CST4: variants seen among roughly 807,000 people sequenced by gnomAD.
CST4 encodes the protein cystatin-S.
In CST4, 17 loss-of-function variants were observed where a neutral mutation model predicts 11.2. That is an observed-to-expected ratio of 1.52 (90% confidence interval 1.04 to 2.27). The LOEUF (loss-of-function observed/expected upper bound fraction) is 2.27. Among genes scored for constraint, CST4 ranks in the 30% most tolerant of loss-of-function variants. CST4 has a pLI of 0.00. For synonymous variants in CST4, 93 were observed against 70.1 expected, an observed-to-expected ratio of 1.33 and a Z score of -1.63; for missense variants, 251 against 180.2, an observed-to-expected ratio of 1.39 and a Z score of -2.25.
At chr20:23,687,651 G>T (rs368100177) in intron 1 of CST4, among the ~76,000 whole-genome samples, 1 of 152,204 alleles carries the variant, frequency 6.6e-6, no homozygotes, top group Non-Finnish European at 1.5e-5. Context: ...TTCAAGATAC[G>T]TTTCTCAAGT....
At chr20:23,686,541 T>C (rs536417226) in intron 2 of CST4, among the ~76,000 whole-genome samples, 14 of 152,198 alleles carry the variant, frequency 9.2e-5, no homozygotes, top group Admixed American at 2.0e-4. Context: ...ACTAATCTGA[T>C]TGTGGCTTTG....
chr20:23,688,720 C>T, intron 1 of CST4, 22 bp downstream of exon 1: 1 of 1,613,036 alleles, frequency 6.2e-7, no homozygotes, highest in Non-Finnish European at 8.5e-7. Flanking sequence ...CTCAGGACCC[C>T]TCGGGTGGAG....
At chr20:23,686,201 C>T (rs1307933091) in intron 2 of CST4, among the ~76,000 whole-genome samples, 1 of 152,162 alleles carries the variant, frequency 6.6e-6, no homozygotes, top group Non-Finnish European at 1.5e-5. Flanking sequence ...CCCACCCCAG[C>T]CTGCAGTGTC....
chr20:23,687,142 C>G lies in CST4; in HGVS notation c.288G>C (p.Lys96Asn). ...CACAGGTGTCCAAGTTGGGCTGGGA[C>G]TTGGTACATATGGTGCGGCCCACCT... ...DVEVGRTICT[K>N]SQPNLDTCAF... The change falls in exon 2 of 3, where the codon AAG (lysine) becomes AAC (asparagine). Residue 96 changes from lysine (K) to asparagine (N), a missense_variant. Transcript: ENST00000217423. 1 of 1,614,144 alleles carries G rather than the reference C, an allele frequency of 6.2e-7. No individual in the cohort carries two copies. The highest frequency in any genetic ancestry group is 8.5e-7 in the Non-Finnish European group (1 of 1,180,036).
chr20:23,688,716 A>T (rs769018141), intron 1 of CST4, 26 bp downstream of exon 1: 2 of 1,611,430 alleles, frequency 1.2e-6, no homozygotes, highest in African/African-American at 1.3e-5. Context: ...AGGGCTCAGG[A>T]CCCCTCGGGT....
intron 2 of CST4, among the ~76,000 whole-genome samples, 160 bp downstream of exon 2, chr20:23,686,928 C>A (rs374098029): frequency 1.3e-5 from 2 of 151,714 alleles, no homozygotes; most frequent in Admixed American, 6.6e-5. Context: ...ACATGCACAC[C>A]CCCCCATAAG....
chr20:23,686,609 C>T (rs553837757), intron 2 of CST4, among the ~76,000 whole-genome samples: 4 of 152,126 alleles, frequency 2.6e-5, no homozygotes, highest in African/African-American at 4.8e-5. Flanking sequence ...CTGCCCAGCA[C>T]CCAGCCCCGC....
chr20:23,688,776 C>G lies in CST4; in HGVS notation c.194G>C (p.Arg65Thr), dbSNP rs2122562348. 1 of 1,614,184 alleles carries G rather than the reference C, an allele frequency of 6.2e-7. No homozygotes were observed. The highest frequency in any genetic ancestry group is 2.2e-5 in the East Asian group (1 of 44,876). Residue 65 changes from arginine to threonine, a missense_variant, in exon 1 of 3, where the codon AGA becomes ACA. Physicochemically the swap from Arg to Thr is moderately conservative, Grantham distance 71. Transcript: ENST00000217423. The part of the protein sequence containing the change: ...YNKATEDEYY[R>T]RPLQVLRARE... ...GGCTCGCAGCACCTGCAGCGGGCGT[C>G]TGTAGTACTCATCTTCGGTGGCCTT...
At chr20:23,688,170 G>A (rs1981107477) in intron 1 of CST4, among the ~76,000 whole-genome samples, 1 of 152,228 alleles carries the variant, frequency 6.6e-6, no homozygotes, top group African/African-American at 2.4e-5. Context: ...TCATCTGGCT[G>A]AGGTCTAACT....
At chr20:23,687,018 G>C (rs1981066133) in intron 2 of CST4, 70 bp downstream of exon 2, 2 of 1,595,902 alleles carry the variant, frequency 1.3e-6, no homozygotes, top group Non-Finnish European at 8.6e-7. Flanking sequence ...AACATGGGTA[G>C]GACAGAGGCT....
At chr20:23,687,228 C>A (rs112308292) in intron 1 of CST4, 27 bp from the exon 2 acceptor site, 189,106 of 1,608,178 alleles carry the variant, frequency 0.12, 12,042 homozygotes, top group African/African-American at 0.19. Context: ...ACAGGAAGCA[C>A]GGACAGCGCC....
Position 23,685,960 on chromosome 20 carries a change from G to A in CST4, c.360C>T (p.Phe120=), listed in dbSNP as rs182089948. 3.6e-4 allele frequency: 585 copies of A among 1,614,014 alleles called. 5 individuals carry two copies. The East Asian group carries it at 0.011, about 31-fold the overall frequency. The change falls in exon 3 of 3, where the codon TTC becomes TTT. Residue 120 remains phenylalanine (F), a synonymous_variant. Transcript: ENST00000217423. ...CCTCCCAGGGAACTTCGTAGATCTC[G>A]AAAGAGCACAACTGTTTCTGTGAAA... ...PELQKKQLCS[F]EIYEVPWEDR...
In CST4 at chr20:23,687,305, G is replaced by C. The variant is rs541952548; in HGVS notation, c.229-104C>G. The C allele has an allele frequency of 1.5e-4, 143 of 925,018 alleles. No homozygotes were observed. In the African/African-American group the frequency reaches 2.2e-3, roughly 14 times the overall value. 57.3% of individuals were successfully genotyped at this position (925,018 alleles called of 1,614,324 possible). A position where few individuals can be genotyped will look rare whatever the true frequency, so the allele number is the denominator to read the frequency against. The stretch of plus-strand genomic sequence containing the variant: ...GTCACTGGACTTGCTTGGGGGCTTC[G>C]TGAGCTGCCCACATGTCAACACAAG... On this transcript the variant is annotated intron_variant, in intron 1 of 2. Coordinates refer to ENST00000217423, the MANE Select transcript of CST4 (RefSeq NM_001899.3).
intron 2 of CST4, among the ~76,000 whole-genome samples, chr20:23,686,191 C>T (rs1981035012): frequency 6.6e-6 from 1 of 152,120 alleles, no homozygotes; most frequent in African/African-American, 2.4e-5. Flanking sequence ...GCATTGGGCC[C>T]CCACCCCAGC....
chr20:23,685,732 C>T lies in CST4; in HGVS notation c.*162G>A, dbSNP rs565267381. ...AGAAGGAAGGAGGGAGGGCAGAGCG[C>T]CCTGCTGAGCAACAAAGGACTCCTG... On this transcript the variant is annotated 3_prime_UTR_variant, in exon 3 of 3. Transcript: ENST00000217423. 1,562 of 669,224 alleles carry T rather than the reference C, an allele frequency of 2.3e-3. 2 individuals carry two copies. The highest frequency in any genetic ancestry group is 7.0e-3 in the Admixed American group (266 of 38,094). The allele number at this position is 669,224 out of a possible 1,614,324, so 41.5% of individuals were successfully genotyped here. A position where few individuals can be genotyped will look rare whatever the true frequency, so the allele number is the denominator to read the frequency against.
chr20:23,688,914 A>G lies in CST4; in HGVS notation c.56T>C (p.Leu19Pro), dbSNP rs1016273813. The G allele has an allele frequency of 2.5e-5, 40 of 1,614,088 alleles. No individual in the cohort carries two copies. The highest frequency in any genetic ancestry group is 3.2e-5 in the Non-Finnish European group (38 of 1,180,034). Residue 19 changes from leucine to proline, a missense_variant, in exon 1 of 3, where the codon CTG becomes CCG. Physicochemically the swap from Leu to Pro is moderately conservative, Grantham distance 98. Coordinates refer to ENST00000217423, the MANE Select transcript of CST4 (RefSeq NM_001899.3). Reference protein sequence around the residue: ...LLLMATLAGALASSSKEENRI... With the variant: ...LLLMATLAGAPASSSKEENRI... The stretch of plus-strand genomic sequence containing the variant: ...ATTCTCCTCCTTGGAGCTCGAGGCC[A>G]GAGCCCCAGCCAGGGTAGCCATCAG...
rs565550102 is a variant in CST4, at chr20:23,685,967, C to A, written c.353G>T (p.Cys118Phe). The change falls in exon 3 of 3, where the codon TGC becomes TTC. Residue 118 changes from cysteine to phenylalanine, a missense_variant. Physicochemically the swap from Cys to Phe is radical, Grantham distance 205. Transcript: ENST00000217423. ...EQPELQKKQL[C>F]SFEIYEVPWE... ...GGGAACTTCGTAGATCTCGAAAGAGCACAACTGTTTCTGTGAAAGGGAAGA... is the reference window on the plus strand; with the variant it reads ...GGGAACTTCGTAGATCTCGAAAGAGAACAACTGTTTCTGTGAAAGGGAAGA... The A allele has an allele frequency of 6.2e-7, 1 of 1,613,816 alleles. No homozygotes were observed. Among genetic ancestry groups the A allele is most frequent in the Admixed American group, 1.7e-5 (1 of 59,998 alleles).
chr20:23,688,494 G>A (rs549465602), intron 1 of CST4, among the ~76,000 whole-genome samples: 2 of 152,322 alleles, frequency 1.3e-5, no homozygotes, highest in South Asian at 4.1e-4. Flanking sequence ...GAAATGCCAC[G>A]GTCATGGTAC....
chr20:23,686,538 TGA>T (rs1981047013), intron 2 of CST4, among the ~76,000 whole-genome samples: 1 of 152,090 alleles, frequency 6.6e-6, no homozygotes, highest in Non-Finnish European at 1.5e-5. Flanking sequence ...CCCACTAATC[TGA>T]TTGTGGCTTT....
Sources: gnomAD v4.1 joint callset for allele counts (sites outside exome capture counted in the v4.1 genomes callset) on GRCh38, gnomAD v4.1.1 for gene constraint, MANE v1.5 for transcripts, NCBI Gene and HGNC (gene_info 2026-07-23, HGNC 2026-07-21) for gene names.